The following ARHGAP40 variants were observed in gnomAD, a reference collection of about 807,000 sequenced individuals.
The protein encoded by ARHGAP40 is Rho GTPase activating protein 40, also known as rho GTPase-activating protein 40.
In ARHGAP40, 43 loss-of-function variants were observed where a neutral mutation model predicts 73.5. That is an observed-to-expected ratio of 0.58 (90% CI 0.46 to 0.75). ARHGAP40 has a LOEUF of 0.75. Ranked by LOEUF, ARHGAP40 falls within the 30% of genes least tolerant of loss-of-function variation. The pLI is 0.00. For synonymous variants in ARHGAP40, 300 were observed against 352.8 expected, an observed-to-expected ratio of 0.85 and a Z score of 1.68; for missense variants, 734 against 861.8, an observed-to-expected ratio of 0.85 and a Z score of 1.86.
chr20:38,650,218 C>A, exon 15 of ARHGAP40: 2 of 399,142 alleles, frequency 5.0e-6, no homozygotes, highest in South Asian at 3.9e-5. Flanking sequence ...ACCAAGCTTG[C>A]TGTATGACGC....
chr20:38,620,952 C>T (rs1326962656), intron 1 of ARHGAP40, among the ~76,000 whole-genome samples: 1 of 152,222 alleles, frequency 6.6e-6, no homozygotes, highest in East Asian at 1.9e-4. Flanking sequence ...ATGGGTCCCT[C>T]ATTCAAACAT....
exon 15 of ARHGAP40, chr20:38,650,597 G>T (rs1423426511): frequency 4.3e-6 from 2 of 470,134 alleles, no homozygotes; most frequent in Non-Finnish European, 4.4e-6. Flanking sequence ...TTTGTAATAT[G>T]ATATAATATG....
chr20:38,626,820 G>A (rs570992764), intron 2 of ARHGAP40, among the ~76,000 whole-genome samples, 175 bp from the exon 3 acceptor site: 108 of 151,980 alleles, frequency 7.1e-4, no homozygotes, highest in African/African-American at 2.6e-3. Context: ...GTTCTCAGAA[G>A]GCTCATTAGA....
chr20:38,637,778 G>T, exon 7 of ARHGAP40: 1 of 1,305,202 alleles, frequency 7.7e-7, no homozygotes, highest in Non-Finnish European at 1.0e-6. Context: ...CCAGCACACA[G>T]GTCCCGCTGG....
chr20:38,617,061 G>A (rs777893156), intron 1 of ARHGAP40, among the ~76,000 whole-genome samples: 14 of 152,180 alleles, frequency 9.2e-5, no homozygotes, highest in Non-Finnish European at 1.9e-4. Flanking sequence ...ACTGAAGGCT[G>A]CCCCCAAAGC....
chr20:38,634,621 AGTTTACC>A lies in ARHGAP40; in HGVS notation c.788_794del (p.Phe263SerfsTer8), dbSNP rs755239037. 1.1e-5 allele frequency: 14 copies of A among 1,305,332 alleles called. No homozygotes were observed. Among genetic ancestry groups the A allele is most frequent in the South Asian group, 2.5e-5 (2 of 81,036 alleles). 80.9% of individuals were successfully genotyped at this position (1,305,332 alleles called of 1,614,324 possible). A position where few individuals can be genotyped will look rare whatever the true frequency, so the allele number is the denominator to read the frequency against. On this transcript the variant is annotated frameshift_variant and splice_region_variant, in exon 6 of 15. Coordinates refer to ENST00000373345, the Ensembl canonical transcript of ARHGAP40. LOFTEE classifies it high-confidence loss of function. ...CTTTACTTCCCTCTCTATTAATAGA[AGTTTACC>A]GTCCCCAAAGGCAGACTTGGCGTGA...
At chr20:38,645,396 C>A (rs1377659643) in intron 11 of ARHGAP40, among the ~76,000 whole-genome samples, 2 of 152,122 alleles carry the variant, frequency 1.3e-5, no homozygotes, top group Non-Finnish European at 2.9e-5. Flanking sequence ...TGAATGTTTT[C>A]TTGTTAGAAA....
chr20:38,616,020 G>T (rs2088835089), intron 1 of ARHGAP40, among the ~76,000 whole-genome samples: 1 of 152,198 alleles, frequency 6.6e-6, no homozygotes, highest in Admixed American at 6.5e-5. Flanking sequence ...CTGGGACCCA[G>T]GCGGCAGCTG....
At chr20:38,631,856 A>G (rs2088941396) in intron 5 of ARHGAP40, among the ~76,000 whole-genome samples, 1 of 152,210 alleles carries the variant, frequency 6.6e-6, no homozygotes, top group Non-Finnish European at 1.5e-5. Context: ...GGTCCACAGC[A>G]AGTTGCAAAA....
At chr20:38,602,105 G>A in intron 1 of ARHGAP40, 26 bp downstream of exon 1, 1 of 1,267,232 alleles carries the variant, frequency 7.9e-7, no homozygotes, top group South Asian at 1.3e-5. Context: ...GAGCGGGAGG[G>A]AAGTTGGCCC....
At chr20:38,643,603 C>T in intron 10 of ARHGAP40, 101 bp from the exon 11 acceptor site, 1 of 1,026,554 alleles carries the variant, frequency 9.7e-7, no homozygotes, top group South Asian at 1.5e-5. Flanking sequence ...CTCCTGGCTC[C>T]TTCCTAGCAC....
Position 38,629,619 on chromosome 20 carries a change from G to A in ARHGAP40, c.752G>A (p.Gly251Asp), listed in dbSNP as rs141304791. 5.4e-6 allele frequency: 7 copies of A among 1,305,400 alleles called. No individual in the cohort carries two copies. The East Asian group carries it at 2.8e-4, about 52-fold the overall frequency. The allele number at this position is 1,305,400 out of a possible 1,614,324, so 80.9% of individuals were successfully genotyped here. A position where few individuals can be genotyped will look rare whatever the true frequency, so the allele number is the denominator to read the frequency against. The change falls in exon 5 of 15, where the codon GGC becomes GAC. Residue 251 changes from glycine (G) to aspartate (D), a missense_variant. Physicochemically the swap from Gly to Asp is moderately conservative, Grantham distance 94. Transcript: ENST00000373345. The stretch of plus-strand genomic sequence containing the variant: ...CAGAGGAGCAGGCCATCCCGGGGAG[G>A]CACCTCTGCCTGGGGCAAGTGTTCC...
intron 3 of ARHGAP40, among the ~76,000 whole-genome samples, chr20:38,627,655 TGTGTGTG>T (rs1568607779): frequency 1.9e-3 from 263 of 139,120 alleles, no homozygotes; most frequent in African/African-American, 6.5e-3. Flanking sequence ...GGTGTGTTGG[TGTGTGTG>T]GGGGTGTGTT....
chr20:38,638,443 C>A (rs1485630375), intron 7 of ARHGAP40, among the ~76,000 whole-genome samples: 3 of 152,054 alleles, frequency 2.0e-5, no homozygotes, highest in African/African-American at 7.2e-5. Context: ...GGTGGATTTT[C>A]TTTTCTTTTC....
intron 1 of ARHGAP40, among the ~76,000 whole-genome samples, chr20:38,617,549 A>T (rs1260181359): frequency 1.3e-5 from 2 of 151,962 alleles, no homozygotes; most frequent in Non-Finnish European, 2.9e-5. Flanking sequence ...GGAGCCGAGG[A>T]CTTCTAGGAC....
At chr20:38,621,002 G>A (rs758066733) in intron 1 of ARHGAP40, among the ~76,000 whole-genome samples, 15 of 152,310 alleles carry the variant, frequency 9.8e-5, no homozygotes, top group African/African-American at 3.4e-4. Context: ...TTCTCTGAAC[G>A]AAGTGTGGGC....
intron 1 of ARHGAP40, among the ~76,000 whole-genome samples, chr20:38,613,048 A>T (rs565265782): frequency 6.6e-6 from 1 of 152,374 alleles, no homozygotes; most frequent in South Asian, 2.1e-4. Context: ...CAGACCCAGG[A>T]TTATCATCTC....
At chr20:38,632,056 G>A (rs1277231539) in intron 5 of ARHGAP40, among the ~76,000 whole-genome samples, 4 of 149,046 alleles carry the variant, frequency 2.7e-5, no homozygotes, top group African/African-American at 7.4e-5. Flanking sequence ...CTCCACCCCC[G>A]ACGTTCAAGT....
intron 1 of ARHGAP40, among the ~76,000 whole-genome samples, chr20:38,612,326 G>T (rs966605633): frequency 6.6e-6 from 1 of 152,088 alleles, no homozygotes; most frequent in African/African-American, 2.4e-5. Flanking sequence ...ACATATTTAG[G>T]CCTTTTCCAG....
Sources: allele counts gnomAD v4.1 joint callset (sites outside exome capture counted in the v4.1 genomes callset), GRCh38; gene constraint gnomAD v4.1.1; transcripts MANE v1.5; gene names NCBI Gene and HGNC (gene_info 2026-07-23, HGNC 2026-07-21).